Variants in SLC14A2 observed in about 807,000 individuals in gnomAD.
SLC14A2 encodes the protein solute carrier family 14 member 2.
Under a neutral mutation model 104.6 loss-of-function variants are expected in SLC14A2, and 91 were observed. That is an observed-to-expected ratio of 0.87 (90% CI 0.73 to 1.04). The LOEUF (loss-of-function observed/expected upper bound fraction) is 1.04. Among genes scored for constraint, SLC14A2 ranks in the 50% least tolerant of loss-of-function variants. SLC14A2 has a pLI of 0.00. For missense variants in SLC14A2, 1,189 were observed against 1,156.0 expected, an observed-to-expected ratio of 1.03 and a Z score of -0.41; for synonymous variants, 476 against 466.4, an observed-to-expected ratio of 1.02 and a Z score of -0.27.
intron 2 of SLC14A2, among the ~76,000 whole-genome samples, chr18:45,554,472 C>T (rs2044102237): frequency 2.0e-5 from 3 of 152,164 alleles, no homozygotes; most frequent in Non-Finnish European, 1.5e-5. Context: ...ATTTGCAGCC[C>T]CCAAACATGG....
intron 1 of SLC14A2, among the ~76,000 whole-genome samples, chr18:45,617,229 G>T (rs2045088550): frequency 6.6e-6 from 1 of 152,180 alleles, no homozygotes; most frequent in Admixed American, 6.5e-5. Context: ...CACAGCCACT[G>T]CAGGCTCCTC....
chr18:45,618,379 T>C (rs888946272), intron 1 of SLC14A2, among the ~76,000 whole-genome samples: 1 of 152,092 alleles, frequency 6.6e-6, no homozygotes, highest in African/African-American at 2.4e-5. Context: ...GGTTAGAAGA[T>C]GAAGTAAGGC....
intron 1 of SLC14A2, among the ~76,000 whole-genome samples, chr18:45,292,731 T>C (rs1244295896): frequency 6.6e-6 from 1 of 152,202 alleles, no homozygotes; most frequent in East Asian, 1.9e-4. Context: ...TTGGCGTATA[T>C]ATTGCCTGAA....
intron 1 of SLC14A2, among the ~76,000 whole-genome samples, chr18:45,297,969 C>T (rs1448338695): frequency 6.6e-6 from 1 of 152,184 alleles, no homozygotes; most frequent in Non-Finnish European, 1.5e-5. Context: ...AAGAAGTTCA[C>T]TTTAAAGACA....
At chr18:45,573,533 G>A (rs2044378887) in intron 2 of SLC14A2, among the ~76,000 whole-genome samples, 1 of 152,130 alleles carries the variant, frequency 6.6e-6, no homozygotes, top group Non-Finnish European at 1.5e-5. Flanking sequence ...TAAGACTTCA[G>A]GCCAAAATAT....
At chr18:45,622,106 A>C (rs72908353) in intron 1 of SLC14A2, among the ~76,000 whole-genome samples, 35 of 152,208 alleles carry the variant, frequency 2.3e-4, no homozygotes, top group Non-Finnish European at 3.7e-4. Flanking sequence ...GGCTTTAAGC[A>C]GGGATCCAAC....
chr18:45,623,914 G>T (rs548421621), intron 1 of SLC14A2, among the ~76,000 whole-genome samples: 1 of 152,214 alleles, frequency 6.6e-6, no homozygotes, highest in African/African-American at 2.4e-5. Context: ...ATGGCTGTAT[G>T]GGAAGGAGAG....
At chr18:45,405,929 C>G (rs965935236) in intron 1 of SLC14A2, among the ~76,000 whole-genome samples, 1 of 149,928 alleles carries the variant, frequency 6.7e-6, no homozygotes, top group African/African-American at 2.4e-5. Flanking sequence ...TAACAGTCAT[C>G]TAAGCTTCAG....
At chr18:45,608,049 A>T (rs373587475) in intron 2 of SLC14A2, among the ~76,000 whole-genome samples, 7 of 152,346 alleles carry the variant, frequency 4.6e-5, no homozygotes, top group African/African-American at 1.4e-4. Context: ...ATTCCTGGGC[A>T]TTAACAGTTA....
chr18:45,419,710 G>T (rs1017695608), intron 1 of SLC14A2, among the ~76,000 whole-genome samples: 4 of 151,698 alleles, frequency 2.6e-5, no homozygotes, highest in African/African-American at 4.9e-5. Context: ...GGAGGCAGAG[G>T]TTGCAGTGGG....
intron 2 of SLC14A2, among the ~76,000 whole-genome samples, chr18:45,556,554 T>C (rs986898845): frequency 4.6e-5 from 7 of 152,204 alleles, no homozygotes; most frequent in Non-Finnish European, 8.8e-5. Context: ...TAATTGAGCA[T>C]GAGCAATTTA....
chr18:45,411,765 C>T (rs1301576262), intron 1 of SLC14A2, among the ~76,000 whole-genome samples: 1 of 152,066 alleles, frequency 6.6e-6, no homozygotes, highest in Non-Finnish European at 1.5e-5. Flanking sequence ...AGATGAGATG[C>T]TTGACCTTAG....
At chr18:45,205,089 T>C in the SLC14A2 span, among the ~76,000 whole-genome samples, 1 of 152,180 alleles carries the variant, frequency 6.6e-6, no homozygotes, top group Admixed American at 6.5e-5. Context: ...GAGCTTCCAC[T>C]TGGTGCTGGA....
At chr18:45,330,330 TCA>T (rs1318023707) in intron 1 of SLC14A2, among the ~76,000 whole-genome samples, 24 of 152,130 alleles carry the variant, frequency 1.6e-4, no homozygotes, top group Non-Finnish European at 1.5e-5. Flanking sequence ...TTGAAATTGG[TCA>T]CAGACAATTG....
Position 45,673,809 on chromosome 18 carries a change from T to C in SLC14A2, c.2504T>C (p.Ile835Thr). 2 of 1,614,086 alleles carry C rather than the reference T, an allele frequency of 1.2e-6. No individual in the cohort carries two copies. Among genetic ancestry groups the C allele is most frequent in the South Asian group, 1.1e-5 (1 of 91,080 alleles). ...ACCTGGCAGACGCACCTCCTCGCCA[T>C]CGCCTGCGGTAGGTACTCCCCACAG... Reference protein sequence around the residue: ...VITWQTHLLAIACALFAAYLG... With the variant: ...VITWQTHLLATACALFAAYLG... Residue 835 changes from isoleucine to threonine, a missense_variant, in exon 18 of 20, where the codon ATC becomes ACC. By Grantham distance (89) the Ile-to-Thr change is moderately conservative (BLOSUM62 -1). Coordinates refer to ENST00000255226, the MANE Select transcript of SLC14A2 (RefSeq NM_007163.4).
At chr18:45,472,227 T>G (rs2087264070) in intron 1 of SLC14A2, among the ~76,000 whole-genome samples, 1 of 152,202 alleles carries the variant, frequency 6.6e-6, no homozygotes, top group Non-Finnish European at 1.5e-5. Flanking sequence ...TCATGCTGCA[T>G]AGTATTCCGT....
chr18:45,508,235 A>G (rs553446065), intron 2 of SLC14A2, among the ~76,000 whole-genome samples: 2 of 152,186 alleles, frequency 1.3e-5, no homozygotes, highest in South Asian at 2.1e-4. Context: ...CTCTTCCTCT[A>G]TTAGTATTTG....
chr18:45,545,860 T>C (rs910408034), intron 2 of SLC14A2, among the ~76,000 whole-genome samples: 1 of 152,252 alleles, frequency 6.6e-6, no homozygotes, highest in African/African-American at 2.4e-5. Flanking sequence ...GAGATTTATA[T>C]ATTTTTTCTT....
At chr18:45,348,225 G>T (rs1288441087) in intron 1 of SLC14A2, among the ~76,000 whole-genome samples, 1 of 152,206 alleles carries the variant, frequency 6.6e-6, no homozygotes, top group Non-Finnish European at 1.5e-5. Flanking sequence ...AGAAATTCTG[G>T]TTTGTGAGAT....
Sources: allele counts gnomAD v4.1 joint callset (sites outside exome capture counted in the v4.1 genomes callset), GRCh38; gene constraint gnomAD v4.1.1; transcripts MANE v1.5; gene names NCBI Gene and HGNC (gene_info 2026-07-23, HGNC 2026-07-21).